C2CD3: variants seen among roughly 807,000 people sequenced by gnomAD.
The protein encoded by C2CD3 is C2 domain-containing protein 3.
C2CD3 carries 148 observed loss-of-function variants against 234.0 expected under a neutral mutation model. That is an observed-to-expected ratio of 0.63 (90% CI 0.55 to 0.72). The LOEUF (loss-of-function observed/expected upper bound fraction) is 0.72, where lower values mean the gene tolerates loss of function less well. Among genes scored for constraint, C2CD3 ranks in the 30% least tolerant of loss-of-function variants. The pLI is 0.00. For synonymous variants in C2CD3, 1,000 were observed against 1,035.4 expected, an observed-to-expected ratio of 0.97 and a Z score of 0.66; for missense variants, 2,577 against 2,811.5, an observed-to-expected ratio of 0.92 and a Z score of 1.89.
At chr11:74,090,971 C>G in intron 19 of C2CD3, 35 bp from the exon 20 acceptor site, 1 of 1,609,742 alleles carries the variant, frequency 6.2e-7, no homozygotes, top group Non-Finnish European at 8.5e-7. Context: ...GAAGGTTGGT[C>G]AGAAGAATCT....
chr11:74,159,755 C>G (rs1856317369), intron 3 of C2CD3, among the ~76,000 whole-genome samples: 2 of 151,666 alleles, frequency 1.3e-5, no homozygotes, highest in South Asian at 4.2e-4. Flanking sequence ...TTAGTGTAGT[C>G]TTCTAAGTGT....
chr11:74,160,262 A>G (rs901570111), intron 3 of C2CD3, among the ~76,000 whole-genome samples: 2 of 152,182 alleles, frequency 1.3e-5, no homozygotes, highest in African/African-American at 4.8e-5. Context: ...AAAGGAAATA[A>G]AATCAGTATG....
At position 74,132,867 on chromosome 11, in the gene C2CD3, T is replaced by A; in HGVS notation, c.1194A>T (p.Arg398Ser). 1.2e-6 allele frequency: 2 copies of A among 1,613,844 alleles called. No homozygotes were observed. The highest frequency in any genetic ancestry group is 1.7e-6 in the Non-Finnish European group (2 of 1,179,750). The change falls in exon 7 of 33, where the codon AGA becomes AGT. Residue 398 changes from arginine (R) to serine (S), a missense_variant. Coordinates refer to ENST00000334126, the MANE Select transcript of C2CD3 (RefSeq NM_001286577.2). ...FWRHDTKADT[R>S]AIQLLLGSAE... ...ACCTGCCTAATAGCAGCTGTATAGC[T>A]CTGGTATCAGCTTTTGTGTCATGTC...
intron 24 of C2CD3, among the ~76,000 whole-genome samples, chr11:74,058,326 C>T (rs1954053529): frequency 6.6e-6 from 1 of 152,078 alleles, no homozygotes; most frequent in South Asian, 2.1e-4. Context: ...ATATCACTTA[C>T]TGTGATATGT....
At position 74,098,127 on chromosome 11, in the gene C2CD3, C is replaced by G. The variant is rs926344902; in HGVS notation, c.2861G>C (p.Gly954Ala). The G allele has an allele frequency of 2.2e-5, 35 of 1,613,874 alleles. No individual in the cohort carries two copies. Among genetic ancestry groups the G allele is most frequent in the Admixed American group, 8.3e-5 (5 of 59,980 alleles). ...NGSLRVFLAM[G>A]SSNQIMALQR... is the part of the protein sequence containing the mutation. ...TAGTGCCATTATTTGATTTGAAGAA[C>G]CCATAGCTAAAAAGACTCGAAGACT... is the stretch of plus-strand genomic sequence containing the variant. Residue 954 changes from glycine to alanine, a missense_variant, in exon 16 of 33, where the codon GGT becomes GCT. Physicochemically the swap from Gly to Ala is moderately conservative, Grantham distance 60. Coordinates refer to ENST00000334126, the MANE Select transcript of C2CD3 (RefSeq NM_001286577.2).
At chr11:74,072,542 A>G (rs1954846584) in intron 24 of C2CD3, among the ~76,000 whole-genome samples, 2 of 152,184 alleles carry the variant, frequency 1.3e-5, no homozygotes, top group African/African-American at 4.8e-5. Flanking sequence ...TAGACACCAC[A>G]CATCTGAACA....
chr11:74,017,487 G>A (rs1476318581), intron 32 of C2CD3, among the ~76,000 whole-genome samples: 2 of 152,182 alleles, frequency 1.3e-5, no homozygotes, highest in Non-Finnish European at 2.9e-5. Context: ...AGACTTTGCT[G>A]GGGAGAAAAT....
intron 32 of C2CD3, among the ~76,000 whole-genome samples, 162 bp downstream of exon 32, chr11:74,028,125 C>T (rs1387178367): frequency 2.0e-5 from 3 of 152,188 alleles, no homozygotes; most frequent in Non-Finnish European, 4.4e-5. Context: ...GAGCTCCCTG[C>T]CCACTGCTGG....
chr11:74,161,285 T>C (rs999470716), intron 3 of C2CD3, 114 bp downstream of exon 3: 4 of 552,966 alleles, frequency 7.2e-6, no homozygotes, highest in Middle Eastern at 4.9e-4. Context: ...AGGCATGAGG[T>C]GGAAATTAGC....
At chr11:74,109,009 CA>C in intron 12 of C2CD3, 24 bp downstream of exon 12, 2 of 1,289,470 alleles carry the variant, frequency 1.6e-6, no homozygotes, top group Non-Finnish European at 2.3e-6. Flanking sequence ...GAAGGTAAGG[CA>C]AAGGCCAAAA....
chr11:74,161,656 G>T, intron 2 of C2CD3, 100 bp from the exon 3 acceptor site: 1 of 650,328 alleles, frequency 1.5e-6, no homozygotes, highest in South Asian at 3.2e-5. Context: ...TTTCTAACTT[G>T]AAAAAAAATA....
intron 32 of C2CD3, among the ~76,000 whole-genome samples, chr11:74,022,875 T>C (rs1952145271): frequency 6.6e-6 from 1 of 152,230 alleles, no homozygotes; most frequent in Non-Finnish European, 1.5e-5. Context: ...CCTTTTCTTT[T>C]TGCAGAGGCG....
chr11:74,030,733 C>A (rs1248712701), intron 31 of C2CD3, among the ~76,000 whole-genome samples: 1 of 152,122 alleles, frequency 6.6e-6, no homozygotes, highest in East Asian at 1.9e-4. Context: ...CTGAGCTCAG[C>A]CCTCAACTTC....
At chr11:74,131,195 C>T (rs1302098276) in intron 7 of C2CD3, among the ~76,000 whole-genome samples, 3 of 151,402 alleles carry the variant, frequency 2.0e-5, no homozygotes, top group South Asian at 2.1e-4. Flanking sequence ...CGGTGGCTCA[C>T]GCCTGTAATC....
chr11:74,130,306 T>A (rs1957620667), intron 7 of C2CD3, among the ~76,000 whole-genome samples: 1 of 151,830 alleles, frequency 6.6e-6, no homozygotes, highest in African/African-American at 2.4e-5. Flanking sequence ...GCTCATTGTA[T>A]CCTTGAACTC....
At chr11:74,061,544 T>C (rs752532385) in intron 24 of C2CD3, among the ~76,000 whole-genome samples, 1 of 151,998 alleles carries the variant, frequency 6.6e-6, no homozygotes, top group South Asian at 2.1e-4. Context: ...TAAGTGAAAG[T>C]GAAATGAAGT....
intron 5 of C2CD3, among the ~76,000 whole-genome samples, chr11:74,137,213 A>G (rs866742636): frequency 3.9e-5 from 6 of 152,120 alleles, no homozygotes; most frequent in African/African-American, 7.2e-5. Flanking sequence ...GGCTTCATAT[A>G]TCACCATTGC....
chr11:74,094,103 T>C (rs2135485651), intron 17 of C2CD3, 104 bp from the exon 18 acceptor site: 1 of 909,160 alleles, frequency 1.1e-6, no homozygotes, highest in Non-Finnish European at 1.6e-6. Context: ...TCCCTAGTAG[T>C]TATGGTTCCC....
intron 2 of C2CD3, 153 bp downstream of exon 2, chr11:74,168,191 T>C: frequency 1.6e-6 from 1 of 640,886 alleles, no homozygotes; most frequent in Non-Finnish European, 2.7e-6. Flanking sequence ...CTCAATAAAT[T>C]TACAAAGAAA....
Sources: allele counts gnomAD v4.1 joint callset (sites outside exome capture counted in the v4.1 genomes callset), GRCh38; gene constraint gnomAD v4.1.1; transcripts MANE v1.5; gene names NCBI Gene and HGNC (gene_info 2026-07-23, HGNC 2026-07-21).